NRXN1: variants seen among roughly 807,000 people sequenced by gnomAD.
NRXN1 encodes the protein neurexin-1.
Under a neutral mutation model 150.9 loss-of-function variants are expected in NRXN1, and 39 were observed. The ratio of observed to expected loss-of-function variants is 0.26; its 90% CI spans 0.20 to 0.34. The LOEUF is 0.34. NRXN1 is among the 10% of genes least tolerant of loss of function. The pLI, the probability that NRXN1 is intolerant of heterozygous loss-of-function variation, is 1.00. For synonymous variants in NRXN1, 924 were observed against 757.0 expected (o/e 1.22, Z -3.62); for missense variants, 1,815 against 1,949.9 (o/e 0.93, Z 1.30).
intron 17 of NRXN1, among the ~76,000 whole-genome samples, chr2:50,388,953 C>T (rs1443591936): frequency 1.3e-5 from 2 of 151,972 alleles, no homozygotes; most frequent in Admixed American, 6.6e-5. Flanking sequence ...CATCTTGTGG[C>T]GTTAGCAGTA....
intron 18 of NRXN1, among the ~76,000 whole-genome samples, chr2:50,197,398 A>G (rs952470152): frequency 6.6e-6 from 1 of 152,092 alleles, no homozygotes; most frequent in Admixed American, 6.6e-5. Flanking sequence ...TCCTAAAATG[A>G]AGACTTTGGA....
chr2:50,975,282 G>C (rs1158497912), intron 2 of NRXN1, among the ~76,000 whole-genome samples: 1 of 151,774 alleles, frequency 6.6e-6, no homozygotes, highest in African/African-American at 2.4e-5. Flanking sequence ...AAACTCTTTG[G>C]GTCTCTCAGT....
intron 17 of NRXN1, among the ~76,000 whole-genome samples, chr2:50,455,424 A>C (rs141705422): frequency 3.3e-5 from 5 of 152,140 alleles, no homozygotes; most frequent in African/African-American, 1.2e-4. Flanking sequence ...TCTATAGATC[A>C]ATTTTAGTTT....
chr2:50,278,609 GC>G (rs1255252814), intron 17 of NRXN1, among the ~76,000 whole-genome samples: 1 of 151,790 alleles, frequency 6.6e-6, no homozygotes, highest in African/African-American at 2.4e-5. Flanking sequence ...GTTTTAAGCT[GC>G]TTACTAAAGC....
intron 2 of NRXN1, among the ~76,000 whole-genome samples, chr2:51,019,752 A>C (rs1669304249): frequency 1.3e-5 from 2 of 152,120 alleles, no homozygotes; most frequent in African/African-American, 4.8e-5. Context: ...CCGTGGATGC[A>C]AGTGTAAAAT....
chr2:50,535,999 C>A (rs929929605), intron 10 of NRXN1, among the ~76,000 whole-genome samples: 4 of 152,232 alleles, frequency 2.6e-5, no homozygotes, highest in South Asian at 2.1e-4. Flanking sequence ...ATTTGATCAA[C>A]AACAGCCTTA....
chr2:50,698,118 C>A (rs1024690280), intron 5 of NRXN1, among the ~76,000 whole-genome samples: 1 of 152,174 alleles, frequency 6.6e-6, no homozygotes, highest in Non-Finnish European at 1.5e-5. Context: ...AAACATTGTG[C>A]GGGCAGGGTC....
At chr2:50,922,811 G>A (rs1686256692) in intron 3 of NRXN1, 124 bp from the exon 4 acceptor site, 2 of 979,248 alleles carry the variant, frequency 2.0e-6, no homozygotes, top group Non-Finnish European at 3.2e-6. Flanking sequence ...CTGTATCACA[G>A]AGGCAAATCA....
At chr2:50,032,672 T>A (rs1043888239) in intron 21 of NRXN1, among the ~76,000 whole-genome samples, 1 of 151,916 alleles carries the variant, frequency 6.6e-6, no homozygotes, top group East Asian at 1.9e-4. Context: ...TAAAGTTCAA[T>A]GGAATTATAA....
intron 18 of NRXN1, among the ~76,000 whole-genome samples, chr2:50,117,865 T>C (rs1316596161): frequency 6.6e-6 from 1 of 152,136 alleles, no homozygotes; most frequent in Non-Finnish European, 1.5e-5. Context: ...AGTGAAAAAT[T>C]ACTAGAATTG....
intron 21 of NRXN1, among the ~76,000 whole-genome samples, chr2:49,953,898 C>T (rs967070556): frequency 2.0e-5 from 3 of 151,866 alleles, no homozygotes; most frequent in African/African-American, 7.3e-5. Flanking sequence ...GGACAAATAC[C>T]TACTTCACGC....
chr2:50,356,757 G>C (rs2078846943), intron 17 of NRXN1, among the ~76,000 whole-genome samples: 1 of 152,148 alleles, frequency 6.6e-6, no homozygotes. Context: ...GCTTTCATTA[G>C]ACATATGGTG....
intron 18 of NRXN1, among the ~76,000 whole-genome samples, chr2:50,145,036 C>T (rs1707807831): frequency 6.6e-6 from 1 of 151,620 alleles, no homozygotes; most frequent in South Asian, 2.1e-4. Flanking sequence ...ATATGAGATG[C>T]TGGCTATTTC....
intron 2 of NRXN1, among the ~76,000 whole-genome samples, chr2:50,956,054 C>CTTGTATTTTGCAACCATGCTGAACTAAT: frequency 6.6e-6 from 1 of 152,070 alleles, no homozygotes; most frequent in African/African-American, 2.4e-5. Flanking sequence ...TTTTAAATGT[C>CTTGTATTTTGCAACCATGCTGAACTAAT]CAGTTAGTTC....
intron 5 of NRXN1, among the ~76,000 whole-genome samples, chr2:50,857,435 C>G (rs1328435984): frequency 3.3e-5 from 5 of 152,080 alleles, no homozygotes; most frequent in African/African-American, 9.6e-5. Flanking sequence ...AGCTTCCACC[C>G]CTTTCCTTTG....
chr2:50,897,024 T>C (rs1052477227), intron 5 of NRXN1, among the ~76,000 whole-genome samples: 6 of 152,178 alleles, frequency 3.9e-5, no homozygotes, highest in Non-Finnish European at 7.3e-5. Flanking sequence ...ATAAAAGGTC[T>C]GAAAATTCTC....
rs151329981 is a variant in NRXN1 at position 50,702,668 on chromosome 2, T to C, written c.833-79053A>G. Among the ~76,000 whole-genome samples the C allele has an allele frequency of 6.4e-3, 980 of 152,262 alleles. 14 individuals are homozygous for C. Among genetic ancestry groups the C allele is most frequent in the African/African-American group, 0.022 (910 of 41,576 alleles). ...TCTCTTAGCCAAAGAAATCATACATTGCTGTACTTACATTGTATGATTATT... is the reference window on the plus strand; with the variant it reads ...TCTCTTAGCCAAAGAAATCATACATCGCTGTACTTACATTGTATGATTATT... On this transcript the variant is annotated intron_variant, in intron 5 of 22. Coordinates refer to ENST00000401669, the MANE Select transcript of NRXN1 (RefSeq NM_001330078.2).
chr2:50,101,730 G>T (rs1238261035), intron 18 of NRXN1, among the ~76,000 whole-genome samples: 1 of 151,964 alleles, frequency 6.6e-6, no homozygotes, highest in Admixed American at 6.6e-5. Flanking sequence ...ACAGTAAACT[G>T]GGAATGGAAA....
intron 5 of NRXN1, among the ~76,000 whole-genome samples, chr2:50,662,845 G>T (rs1458216909): frequency 6.6e-6 from 1 of 151,972 alleles, no homozygotes; most frequent in Non-Finnish European, 1.5e-5. Context: ...AGCACTGAAG[G>T]TGTAGATCCA....
Sources: gnomAD v4.1 joint callset for allele counts (sites outside exome capture counted in the v4.1 genomes callset) on GRCh38, gnomAD v4.1.1 for gene constraint, MANE v1.5 for transcripts, NCBI Gene and HGNC (gene_info 2026-07-23, HGNC 2026-07-21) for gene names.